Variants in PTPRA observed in about 807,000 individuals in gnomAD.
PTPRA encodes the protein receptor-type tyrosine-protein phosphatase alpha.
A neutral mutation model predicts 104.8 loss-of-function variants in PTPRA; 25 were observed. That is an observed-to-expected ratio of 0.24 (90% CI 0.17 to 0.33). PTPRA has a LOEUF of 0.33. PTPRA is among the 10% of genes least tolerant of loss of function. PTPRA has a pLI of 1.00. For missense variants in PTPRA, 765 were observed against 1,015.3 expected (o/e 0.75, Z 3.35); for synonymous variants, 323 against 368.9 (o/e 0.88, Z 1.43).
intron 1 of PTPRA, among the ~76,000 whole-genome samples, chr20:2,893,239 C>T (rs1396817898): frequency 1.3e-5 from 2 of 152,172 alleles, no homozygotes; most frequent in African/African-American, 4.8e-5. Flanking sequence ...GAGATTTACT[C>T]CAATAGAACC....
chr20:3,037,345 G>C lies in PTPRA; in HGVS notation c.2334+56G>C. The C allele has an allele frequency of 6.3e-7, 1 of 1,599,532 alleles. No individual in the cohort carries two copies. The highest frequency in any genetic ancestry group is 8.5e-7 in the Non-Finnish European group (1 of 1,173,414). On this transcript the variant is annotated intron_variant, in intron 23 of 23. Coordinates refer to ENST00000399903, the MANE Select transcript of PTPRA (RefSeq NM_001385305.1). This position sits in a 1 kb window ranked among gnomAD's most constrained non-coding sequence, Gnocchi z 4.3. ...CACACCACCTGCAGCCCTTCTCTCA[G>C]GGAGGAGGCTCTTCAGAGGGGCCCA...
the PTPRA span, chr20:2,864,627 C>T: frequency 4.3e-6 from 7 of 1,614,046 alleles, no homozygotes; most frequent in Non-Finnish European, 5.1e-6. The surrounding 1 kb of genome is among the most constrained non-coding windows in gnomAD (Gnocchi z 5.2). Context: ...GCAGCTTCCA[C>T]ATCCGAGCCA....
intron 7 of PTPRA, among the ~76,000 whole-genome samples, chr20:2,987,763 G>C (rs1422637950): frequency 1.3e-5 from 2 of 152,192 alleles, no homozygotes; most frequent in African/African-American, 4.8e-5. Flanking sequence ...TGGTGTGGCT[G>C]TGCTCTGCAG....
chr20:3,037,961 G>T lies in PTPRA; in HGVS notation c.2335-98G>T. 9.4e-7 allele frequency: 1 copy of T among 1,064,108 alleles called. No homozygotes were observed. Among genetic ancestry groups the T allele is most frequent in the South Asian group, 1.4e-5 (1 of 72,998 alleles). 65.9% of individuals were successfully genotyped at this position (1,064,108 alleles called of 1,614,324 possible). A position where few individuals can be genotyped will look rare whatever the true frequency, so the allele number is the denominator to read the frequency against. Reference sequence around the variant, plus strand: ...AGTTCAAAAACATTCAGTTCCTCTTGATTTTCCATCTTCAACAAAAAAATG... The same window carrying T: ...AGTTCAAAAACATTCAGTTCCTCTTTATTTTCCATCTTCAACAAAAAAATG... On this transcript the variant is annotated intron_variant, in intron 23 of 23. Coordinates refer to ENST00000399903, the MANE Select transcript of PTPRA (RefSeq NM_001385305.1). The surrounding 1 kb of genome is among the most constrained non-coding windows in gnomAD (Gnocchi z 4.3).
intron 6 of PTPRA, among the ~76,000 whole-genome samples, chr20:2,976,363 C>T (rs2062432062): frequency 6.6e-6 from 1 of 152,282 alleles, no homozygotes; most frequent in Non-Finnish European, 1.5e-5. Flanking sequence ...TGGTAGGCTT[C>T]AAGATGAAAC....
intron 1 of PTPRA, among the ~76,000 whole-genome samples, chr20:2,893,306 T>A (rs963647515): frequency 6.6e-6 from 1 of 152,214 alleles, no homozygotes; most frequent in Non-Finnish European, 1.5e-5. Context: ...AGTGAACTGG[T>A]ATTCCCTTTA....
intron 5 of PTPRA, among the ~76,000 whole-genome samples, chr20:2,972,345 T>TAG (rs2148003102): frequency 6.6e-6 from 1 of 152,240 alleles, no homozygotes; most frequent in Non-Finnish European, 1.5e-5. Context: ...CTAAGGACTA[T>TAG]AGGCGCATGT....
At chr20:3,023,318 C>T (rs778593334) in intron 16 of PTPRA, among the ~76,000 whole-genome samples, 5 of 152,094 alleles carry the variant, frequency 3.3e-5, no homozygotes, top group African/African-American at 9.7e-5. Flanking sequence ...GATATGCCCT[C>T]GTGGGAAGGG....
rs2064544393 is a variant in PTPRA at position 3,017,816 on chromosome 20, G to A, written c.944G>A (p.Gly315Glu). The A allele has an allele frequency of 6.2e-7, 1 of 1,613,908 alleles. No homozygotes were observed. Reference protein sequence around the residue: ...QEKNKFIAAQGPKEETVNDFW... With the variant: ...QEKNKFIAAQEPKEETVNDFW... ...TCATTTTTGCTGTTGGCTACTTTAG[G>A]ACCAAAAGAAGAAACGGTGAATGAT... Residue 315 changes from glycine to glutamate, a missense_variant and splice_region_variant, in exon 13 of 24, where the codon GGA becomes GAA. By Grantham distance (98) the Gly-to-Glu change is moderately conservative. Coordinates refer to ENST00000399903, the MANE Select transcript of PTPRA (RefSeq NM_001385305.1).
intron 20 of PTPRA, among the ~76,000 whole-genome samples, chr20:3,029,180 A>G (rs1239087160): frequency 7.0e-6 from 1 of 142,174 alleles, no homozygotes; most frequent in Non-Finnish European, 1.5e-5. Flanking sequence ...TCACTTTGTC[A>G]CCCAGGCTGG....
At chr20:2,972,707 T>C (rs1360221351) in intron 5 of PTPRA, among the ~76,000 whole-genome samples, 1 of 152,192 alleles carries the variant, frequency 6.6e-6, no homozygotes, top group Non-Finnish European at 1.5e-5. Flanking sequence ...TTTGAAAGTT[T>C]ACACTAAAAA....
intron 1 of PTPRA, among the ~76,000 whole-genome samples, chr20:2,898,792 A>G (rs941011013): frequency 2.6e-5 from 4 of 151,998 alleles, no homozygotes; most frequent in Non-Finnish European, 4.4e-5. Context: ...CGGGAGGCGG[A>G]GGTTGCAGTG....
chr20:2,963,154 C>T (rs966643196), intron 3 of PTPRA, among the ~76,000 whole-genome samples: 1 of 152,150 alleles, frequency 6.6e-6, no homozygotes, highest in African/African-American at 2.4e-5. Flanking sequence ...CCTTGAAGGG[C>T]AGCAGTACAT....
chr20:2,948,946 C>T (rs540085664), intron 3 of PTPRA, among the ~76,000 whole-genome samples: 19 of 151,570 alleles, frequency 1.3e-4, no homozygotes, highest in East Asian at 7.7e-4. Context: ...AGCGAGACTC[C>T]GTCTCAAAAA....
chr20:2,969,618 GC>G (rs1267683710), intron 5 of PTPRA, among the ~76,000 whole-genome samples: 7 of 117,400 alleles, frequency 6.0e-5, no homozygotes, highest in African/African-American at 2.3e-4. Flanking sequence ...ACTTTGGGAG[GC>G]TGAGGCGGGC....
At chr20:2,915,582 T>A (rs528769247) in intron 1 of PTPRA, among the ~76,000 whole-genome samples, 25 of 152,350 alleles carry the variant, frequency 1.6e-4, no homozygotes, top group South Asian at 8.3e-4. Context: ...TTTCAAAATT[T>A]TGACGAATTC....
At chr20:2,989,219 G>A (rs1337687961) in intron 9 of PTPRA, among the ~76,000 whole-genome samples, 1 of 152,166 alleles carries the variant, frequency 6.6e-6, no homozygotes, top group East Asian at 1.9e-4. Flanking sequence ...CACATCACGA[G>A]GTCAAGAGAT....
chr20:2,900,408 T>C (rs1002369629), intron 1 of PTPRA, among the ~76,000 whole-genome samples: 3 of 152,174 alleles, frequency 2.0e-5, no homozygotes, highest in Non-Finnish European at 4.4e-5. Context: ...AGCTGGCTGA[T>C]CACTCCTTCA....
chr20:3,008,042 A>G (rs902038525), intron 11 of PTPRA, among the ~76,000 whole-genome samples: 1 of 152,204 alleles, frequency 6.6e-6, no homozygotes, highest in African/African-American at 2.4e-5. Flanking sequence ...AATATGTTTT[A>G]TAGGTTTGGG....
Sources: allele counts gnomAD v4.1 joint callset (sites outside exome capture counted in the v4.1 genomes callset), GRCh38; gene constraint gnomAD v4.1.1; non-coding constraint Gnocchi (gnomAD v3.1); transcripts MANE v1.5; gene names NCBI Gene and HGNC (gene_info 2026-07-23, HGNC 2026-07-21).